Variants in CHCHD6 observed in about 807,000 individuals in gnomAD.
CHCHD6 encodes coiled-coil-helix-coiled-coil-helix domain containing 6.
In CHCHD6, 28 loss-of-function variants were observed where a neutral mutation model predicts 32.3. The observed-to-expected ratio is 0.87, with a 90% confidence interval of 0.64 to 1.19. The LOEUF (loss-of-function observed/expected upper bound fraction) is 1.19. Among genes scored for constraint, CHCHD6 ranks in the 50% most tolerant of loss-of-function variants. The probability of loss-of-function intolerance (pLI) is 0.00; values close to 1 mark genes in which losing one functional copy is unlikely to be tolerated. For missense variants in CHCHD6, 333 were observed against 307.0 expected, an observed-to-expected ratio of 1.08 and a Z score of -0.63; for synonymous variants, 122 against 117.5, an observed-to-expected ratio of 1.04 and a Z score of -0.25.
At chr3:126,915,683 A>G (rs1170588212) in intron 6 of CHCHD6, among the ~76,000 whole-genome samples, 2 of 152,200 alleles carry the variant, frequency 1.3e-5, no homozygotes, top group Non-Finnish European at 2.9e-5. Context: ...TGATAGTTGT[A>G]AAAACAGCTG....
chr3:126,840,622 A>C (rs968850849), intron 4 of CHCHD6, among the ~76,000 whole-genome samples: 1 of 152,128 alleles, frequency 6.6e-6, no homozygotes, highest in Non-Finnish European at 1.5e-5. Flanking sequence ...TTTATATTAA[A>C]AATCTGTTAT....
chr3:126,731,880 A>AG (rs1935817045), intron 3 of CHCHD6, among the ~76,000 whole-genome samples: 1 of 152,122 alleles, frequency 6.6e-6, no homozygotes, highest in South Asian at 2.1e-4. Context: ...GTTTGAGCCC[A>AG]GTCTGGGCAA....
chr3:126,938,269 A>T (rs1245589792), intron 6 of CHCHD6, among the ~76,000 whole-genome samples: 1 of 152,166 alleles, frequency 6.6e-6, no homozygotes, highest in African/African-American at 2.4e-5. Context: ...AGCCAGAGCG[A>T]CAGCTGGAGG....
rs929644704 is a variant in CHCHD6 at position 126,957,838 on chromosome 3, CTTCAAGGGCCGGGCCCCTTGTGGGT to C, written c.702+288_702+312del. The C allele has an allele frequency of 1.4e-5, 7 of 513,280 alleles. No homozygotes were observed. In the Middle Eastern group the frequency reaches 2.1e-3, roughly 156 times the overall value. 31.8% of individuals were successfully genotyped at this position (513,280 alleles called of 1,614,324 possible). ...CAGGCTGGGTAAAGTCAGGCCCCAC[CTTCAAGGGCCGGGCCCCTTGTGGGT>C]GCCGGGGACTTCTTAGCCCTCGGCA... On this transcript the variant is annotated intron_variant, in intron 7 of 7. Transcript: ENST00000290913.
chr3:126,791,528 G>T (rs1173289867), intron 4 of CHCHD6, among the ~76,000 whole-genome samples: 9 of 152,224 alleles, frequency 5.9e-5, no homozygotes, highest in Non-Finnish European at 1.2e-4. Context: ...AATGGCGGGC[G>T]CCCCTCCCCC....
chr3:126,953,083 TCTC>T (rs2078737873), intron 6 of CHCHD6: 1 of 985,388 alleles, frequency 1.0e-6, no homozygotes, highest in African/African-American at 1.7e-5. Flanking sequence ...CACCTGCCAT[TCTC>T]CTGCCATCCT....
At chr3:126,759,989 A>AC (rs1937102918) in intron 4 of CHCHD6, among the ~76,000 whole-genome samples, 1 of 152,148 alleles carries the variant, frequency 6.6e-6, no homozygotes, top group African/African-American at 2.4e-5. Flanking sequence ...CATGGTGAGA[A>AC]CAGGAGCAAG....
chr3:126,897,236 G>A (rs1180588486), intron 5 of CHCHD6, among the ~76,000 whole-genome samples: 2 of 152,170 alleles, frequency 1.3e-5, no homozygotes, highest in Non-Finnish European at 1.5e-5. Context: ...GAGGCTGGCC[G>A]CATTTCAGGA....
chr3:126,836,304 A>G (rs1209367788), intron 4 of CHCHD6, among the ~76,000 whole-genome samples: 1 of 152,034 alleles, frequency 6.6e-6, no homozygotes, highest in Admixed American at 6.5e-5. Context: ...AGGCCTTTGC[A>G]TTGGTTTTTT....
At chr3:126,938,488 A>G (rs539645267) in intron 6 of CHCHD6, among the ~76,000 whole-genome samples, 2 of 152,312 alleles carry the variant, frequency 1.3e-5, no homozygotes, top group East Asian at 3.9e-4. Context: ...GATAAATGGT[A>G]GCTGTTCTTA....
intron 4 of CHCHD6, among the ~76,000 whole-genome samples, chr3:126,830,978 G>A (rs1330659324): frequency 2.6e-5 from 4 of 151,640 alleles, no homozygotes; most frequent in East Asian, 1.9e-4. Context: ...CTCGGGGGCC[G>A]CACCCTGTGT....
intron 1 of CHCHD6, among the ~76,000 whole-genome samples, chr3:126,725,078 G>A (rs143208038): frequency 6.6e-6 from 1 of 152,276 alleles, no homozygotes; most frequent in African/African-American, 2.4e-5. Flanking sequence ...AATCATGAAT[G>A]TTCTTAATGG....
intron 6 of CHCHD6, among the ~76,000 whole-genome samples, chr3:126,955,196 G>T (rs563513201): frequency 6.6e-6 from 1 of 152,238 alleles, no homozygotes; most frequent in Non-Finnish European, 1.5e-5. Flanking sequence ...ATGTGGAGCC[G>T]TGCTTAAGCA....
intron 5 of CHCHD6, among the ~76,000 whole-genome samples, chr3:126,897,779 C>G (rs907340612): frequency 1.4e-4 from 22 of 152,336 alleles, no homozygotes; most frequent in Admixed American, 3.9e-4. Flanking sequence ...CTTTGGCTCC[C>G]CATTTGCTCT....
chr3:126,912,011 T>C (rs1251810837), intron 5 of CHCHD6, among the ~76,000 whole-genome samples: 2 of 152,122 alleles, frequency 1.3e-5, no homozygotes, highest in African/African-American at 4.8e-5. Flanking sequence ...GGGCTTAGGA[T>C]GAGGTGCATT....
intron 4 of CHCHD6, among the ~76,000 whole-genome samples, chr3:126,815,319 C>G (rs1178263296): frequency 1.3e-5 from 2 of 152,180 alleles, no homozygotes; most frequent in Non-Finnish European, 2.9e-5. Flanking sequence ...TTCCTGTCTT[C>G]CCATGGTTCC....
chr3:126,832,902 G>C (rs1177254584), intron 4 of CHCHD6, among the ~76,000 whole-genome samples: 1 of 152,184 alleles, frequency 6.6e-6, no homozygotes, highest in Admixed American at 6.5e-5. Context: ...TACAGATATG[G>C]AAAGGGTGGG....
In CHCHD6 at chr3:126,758,887, T is replaced by G. The variant is rs148798668; in HGVS notation, c.411+25665T>G. On this transcript the variant is annotated intron_variant, in intron 4 of 7. Transcript: ENST00000290913. ...TCACTTATGTTGTAATAGAAGCTCATTTCCTTTTGACTGGTGTTCAATAAA... is the reference window on the plus strand; with the variant it reads ...TCACTTATGTTGTAATAGAAGCTCAGTTCCTTTTGACTGGTGTTCAATAAA... Among the ~76,000 whole-genome samples, 597 of 152,322 alleles carry G rather than the reference T, an allele frequency of 3.9e-3. 7 individuals carry two copies. Among genetic ancestry groups the G allele is most frequent in the African/African-American group, 0.014 (578 of 41,568 alleles).
intron 4 of CHCHD6, among the ~76,000 whole-genome samples, chr3:126,821,792 T>C (rs927856568): frequency 6.6e-6 from 1 of 152,150 alleles, no homozygotes; most frequent in Non-Finnish European, 1.5e-5. Context: ...TGGTATCTCA[T>C]TGTGGTTTTG....
Sources: gnomAD v4.1 joint callset for allele counts (sites outside exome capture counted in the v4.1 genomes callset) on GRCh38, gnomAD v4.1.1 for gene constraint, MANE v1.5 for transcripts, NCBI Gene and HGNC (gene_info 2026-07-23, HGNC 2026-07-21) for gene names.